The following UMODL1 variants were observed in gnomAD, a reference collection of about 807,000 sequenced individuals.
UMODL1 encodes the protein uromodulin-like 1.
A neutral mutation model predicts 136.3 loss-of-function variants in UMODL1; 128 were observed. The ratio of observed to expected loss-of-function variants is 0.94; its 90% confidence interval spans 0.81 to 1.09. The LOEUF (loss-of-function observed/expected upper bound fraction) is 1.09. UMODL1 is among the 50% of genes least tolerant of loss of function. UMODL1 has a pLI of 0.00. For missense variants in UMODL1, 1,766 were observed against 1,725.6 expected, an observed-to-expected ratio of 1.02 and a Z score of -0.41; for synonymous variants, 721 against 720.0, an observed-to-expected ratio of 1.00 and a Z score of -0.02.
At position 42,110,899 on chromosome 21, in the gene UMODL1, G is replaced by A. The variant is rs200274014; in HGVS notation, c.1677G>A (p.Met559Ile). 4.1e-5 allele frequency: 66 copies of A among 1,609,536 alleles called. 1 individual carries two copies. In the African/African-American group the frequency reaches 6.1e-4, roughly 15 times the overall value. ...TGGCAGGTGACCTGGTGAGCCCCAT[G>A]GGCGGTGGACTGTCTGCGGCAACAG... Reference protein sequence around the residue: ...RACEGDLVSPMGGGLSAATGV... With the variant: ...RACEGDLVSPIGGGLSAATGV... Residue 559 changes from methionine (M) to isoleucine (I), a missense_variant, in exon 11 of 23, where the codon ATG becomes ATA. Physicochemically the swap from Met to Ile is conservative, Grantham distance 10 (BLOSUM62 1). Transcript: ENST00000408910.
rs748148061 is a variant in UMODL1 at position 42,113,562 on chromosome 21, C to A, written c.2105-11C>A. On this transcript the variant is annotated splice_polypyrimidine_tract_variant and intron_variant, in intron 12 of 22. Transcript: ENST00000408910. ...TGATTGTAATTTTGGTGTTTATATTCCACTTCCCAGTTCCTGTCTCCATTG... is the reference window on the plus strand; with the variant it reads ...TGATTGTAATTTTGGTGTTTATATTACACTTCCCAGTTCCTGTCTCCATTG... 3 of 1,599,850 alleles carry A rather than the reference C, an allele frequency of 1.9e-6. No homozygotes were observed. The highest frequency in any genetic ancestry group is 2.6e-6 in the Non-Finnish European group (3 of 1,170,196).
chr21:42,112,052 C>G (rs776689561), intron 12 of UMODL1, among the ~76,000 whole-genome samples: 1 of 152,012 alleles, frequency 6.6e-6, no homozygotes, highest in Admixed American at 6.5e-5. Flanking sequence ...TGCCCACCCC[C>G]GCTGTCCTGC....
chr21:42,090,266 C>T, intron 5 of UMODL1, 32 bp from the exon 6 acceptor site: 2 of 1,612,790 alleles, frequency 1.2e-6, no homozygotes, highest in Non-Finnish European at 1.7e-6. Context: ...GCTGCGACTG[C>T]TGAGTGTGGG....
chr21:42,111,457 C>G (rs751831726), intron 11 of UMODL1, 49 bp from the exon 12 acceptor site: 1 of 1,613,918 alleles, frequency 6.2e-7, no homozygotes, highest in Admixed American at 1.7e-5. Flanking sequence ...GGTCAACCCA[C>G]AGCTTCCCTC....
At position 42,088,369 on chromosome 21, in the gene UMODL1, G is replaced by A. The variant is rs200627394; in HGVS notation, c.679G>A (p.Val227Met). 1,885 of 1,613,960 alleles carry A rather than the reference G, an allele frequency of 1.2e-3. 3 individuals carry two copies. Among genetic ancestry groups the A allele is most frequent in the Non-Finnish European group, 1.5e-3 (1,791 of 1,180,018 alleles). ...AGCCCCTGGGAACGCCTCCACCACA[G>A]TGTCGCGGCTGCTACTGGGCCTGCC... The part of the protein sequence containing the change: ...HSAPGNASTT[V>M]SRLLLGLPRP... The change falls in exon 5 of 23, where the codon GTG becomes ATG. Residue 227 changes from valine to methionine, a missense_variant. Transcript: ENST00000408910.
chr21:42,088,764 C>G (rs2066457535), intron 5 of UMODL1, among the ~76,000 whole-genome samples: 1 of 152,060 alleles, frequency 6.6e-6, no homozygotes, highest in African/African-American at 2.4e-5. Context: ...TCGGATCCCT[C>G]TGGCCTCCTG....
chr21:42,085,200 G>T lies in UMODL1; in HGVS notation c.482-91G>T. ...AGAGCAGGGCCTCTCATGGCCTCTG[G>T]TTCCCTCTCCTGCCCCCTCTCCCAC... On this transcript the variant is annotated intron_variant, in intron 3 of 22. Coordinates refer to ENST00000408910, the MANE Select transcript of UMODL1 (RefSeq NM_001004416.3). This position sits in a 1 kb window ranked among gnomAD's most constrained non-coding sequence, Gnocchi z 4.5. 2.6e-6 allele frequency: 4 copies of T among 1,514,950 alleles called. No homozygotes were observed. The highest frequency in any genetic ancestry group is 3.6e-6 in the Non-Finnish European group (4 of 1,120,044). 93.8% of individuals were successfully genotyped at this position (1,514,950 alleles called of 1,614,324 possible).
rs1601169507 is a variant in UMODL1 at position 42,072,716 on chromosome 21, G to C, written c.76+1324G>C. 2.6e-5 allele frequency among the ~76,000 whole-genome samples: 4 copies of C among 152,362 alleles called. No homozygotes were observed. The South Asian group carries it at 8.3e-4, about 32-fold the overall frequency. ...GAGGGGCACTGGGAGGGCATGACATGGGCGCAATCATGCAACAGGGGTTTG... is the reference window on the plus strand; with the variant it reads ...GAGGGGCACTGGGAGGGCATGACATCGGCGCAATCATGCAACAGGGGTTTG... On this transcript the variant is annotated intron_variant, in intron 1 of 22. Transcript: ENST00000408910.
chr21:42,098,540 G>T (rs957223049), intron 6 of UMODL1, among the ~76,000 whole-genome samples: 1 of 152,046 alleles, frequency 6.6e-6, no homozygotes, highest in Non-Finnish European at 1.5e-5. Context: ...AGGCTGAGGT[G>T]GGTGGATCAC....
chr21:42,136,497 G>A (rs184613084), intron 21 of UMODL1, among the ~76,000 whole-genome samples: 4 of 152,254 alleles, frequency 2.6e-5, no homozygotes, highest in South Asian at 2.1e-4. Context: ...TTCACTCAGC[G>A]TGACATCTTC....
chr21:42,069,234 A>ACACACACAC (rs1193189050), upstream of UMODL1, among the ~76,000 whole-genome samples: 2 of 143,458 alleles, frequency 1.4e-5, no homozygotes, highest in Non-Finnish European at 3.0e-5. Flanking sequence ...ACAGAAACAC[A>ACACACACAC]CACACACACA....
chr21:42,107,531 T>C (rs2066739064), intron 9 of UMODL1, among the ~76,000 whole-genome samples: 1 of 152,244 alleles, frequency 6.6e-6, no homozygotes, highest in Admixed American at 6.5e-5. Flanking sequence ...CAGGCTAACC[T>C]ACTGCAGGCT....
chr21:42,127,565 T>C, intron 19 of UMODL1, 107 bp from the exon 20 acceptor site: 1 of 1,284,086 alleles, frequency 7.8e-7, no homozygotes, highest in East Asian at 2.5e-5. Context: ...CCACGGAGCC[T>C]GTGGAATCTG....
intron 14 of UMODL1, among the ~76,000 whole-genome samples, chr21:42,117,723 G>A (rs111713032): frequency 1.2e-4 from 18 of 152,164 alleles, no homozygotes; most frequent in Non-Finnish European, 2.2e-4. Flanking sequence ...CTCATTCCCT[G>A]CTCCTGGTTT....
At chr21:42,104,418 T>C (rs1365353091) in intron 9 of UMODL1, among the ~76,000 whole-genome samples, 2 of 144,972 alleles carry the variant, frequency 1.4e-5, no homozygotes, top group East Asian at 2.0e-4. Flanking sequence ...ATTTCTTTTC[T>C]TTTTTTCTTT....
At chr21:42,075,706 T>C (rs2066282270) in intron 1 of UMODL1, among the ~76,000 whole-genome samples, 2 of 152,380 alleles carry the variant, frequency 1.3e-5, no homozygotes, top group Middle Eastern at 3.4e-3. Context: ...GTGAGAACCC[T>C]GTGCTTCAGG....
intron 22 of UMODL1, among the ~76,000 whole-genome samples, chr21:42,138,964 T>G (rs1349396190): frequency 6.6e-6 from 1 of 152,172 alleles, no homozygotes; most frequent in African/African-American, 2.4e-5. Flanking sequence ...GCTTAGGAGT[T>G]CCAGACCAGC....
chr21:42,137,416 C>T, intron 21 of UMODL1, 23 bp from the exon 22 acceptor site: 1 of 1,613,306 alleles, frequency 6.2e-7, no homozygotes, highest in Middle Eastern at 1.7e-4. Context: ...AGATCTCTCA[C>T]CTGTGCCTGT....
chr21:42,096,783 C>T (rs2066563339), intron 6 of UMODL1, among the ~76,000 whole-genome samples: 1 of 152,208 alleles, frequency 6.6e-6, no homozygotes. Flanking sequence ...GTTTTGCTGT[C>T]ACACCATCCT....
Sources: allele counts gnomAD v4.1 joint callset (sites outside exome capture counted in the v4.1 genomes callset), GRCh38; gene constraint gnomAD v4.1.1; non-coding constraint Gnocchi (gnomAD v3.1); transcripts MANE v1.5; gene names NCBI Gene and HGNC (gene_info 2026-07-23, HGNC 2026-07-21).